ITSN2: variants seen among roughly 807,000 people sequenced by gnomAD.
The protein encoded by ITSN2 is intersectin-2.
Under a neutral mutation model 243.7 loss-of-function variants are expected in ITSN2, and 156 were observed. The ratio of observed to expected loss-of-function variants is 0.64; its 90% CI spans 0.56 to 0.73. ITSN2 has a LOEUF of 0.73. ITSN2 is among the 30% of genes least tolerant of loss of function. The probability of loss-of-function intolerance (pLI) is 0.00; values close to 1 mark genes in which losing one functional copy is unlikely to be tolerated. For missense variants in ITSN2, 1,801 were observed against 1,996.1 expected, an observed-to-expected ratio of 0.90 and a Z score of 1.86; for synonymous variants, 703 against 699.9, an observed-to-expected ratio of 1.00 and a Z score of -0.07.
At chr2:24,300,199 A>C in intron 11 of ITSN2, 28 bp from the exon 12 acceptor site, 1 of 1,610,518 alleles carries the variant, frequency 6.2e-7, no homozygotes, top group Non-Finnish European at 8.5e-7. Context: ...ATCAGCATCC[A>C]CACACATTAA....
At chr2:24,260,253 C>T (rs1675639007) in intron 22 of ITSN2, among the ~76,000 whole-genome samples, 1 of 151,956 alleles carries the variant, frequency 6.6e-6, no homozygotes, top group Non-Finnish European at 1.5e-5. Flanking sequence ...CTTATTTTTT[C>T]CTTAAATTTC....
At chr2:24,315,960 G>A (rs1207162479) in intron 2 of ITSN2, among the ~76,000 whole-genome samples, 1 of 152,150 alleles carries the variant, frequency 6.6e-6, no homozygotes, top group Non-Finnish European at 1.5e-5. Context: ...CAAAACAGCT[G>A]TGCCAATTCT....
rs151230845 is a variant in ITSN2 at position 24,314,332 on chromosome 2, A to G, written c.124+800T>C. Among the ~76,000 whole-genome samples, 11 of 152,308 alleles carry G rather than the reference A, an allele frequency of 7.2e-5. No homozygotes were observed. The East Asian group carries it at 2.1e-3, about 29-fold the overall frequency. On this transcript the variant is annotated intron_variant, in intron 3 of 39. Coordinates refer to ENST00000355123, the MANE Select transcript of ITSN2 (RefSeq NM_006277.3). ...ATCAAATCCTGATACCAGGTAAGGT[A>G]ATTACTATCATAGCAGTACAAATAA...
chr2:24,293,607 T>C, intron 15 of ITSN2, 81 bp downstream of exon 15: 1 of 570,234 alleles, frequency 1.8e-6, no homozygotes, highest in East Asian at 3.4e-5. Flanking sequence ...ATACTTTTTT[T>C]AATTTTAAAA....
chr2:24,249,258 A>G lies in ITSN2; in HGVS notation c.3121-376T>C, dbSNP rs1295563382. 6.6e-6 allele frequency among the ~76,000 whole-genome samples: 1 copy of G among 152,198 alleles called. No homozygotes were observed. The highest frequency in any genetic ancestry group is 1.5e-5 in the Non-Finnish European group (1 of 68,034). On this transcript the variant is annotated intron_variant, in intron 25 of 39. Transcript: ENST00000355123. The surrounding 1 kb of genome is among the most constrained non-coding windows in gnomAD (Gnocchi z 4.4). ...ATATGTGTCCTGGATATGTCAAGGTATACGTTATTTTGCTCCTGCTTTCTC... is the reference window on the plus strand; with the variant it reads ...ATATGTGTCCTGGATATGTCAAGGTGTACGTTATTTTGCTCCTGCTTTCTC...
chr2:24,295,557 C>A, intron 14 of ITSN2, 107 bp downstream of exon 14: 3 of 810,014 alleles, frequency 3.7e-6, no homozygotes, highest in Non-Finnish European at 5.4e-6. Flanking sequence ...GATCCACCCG[C>A]CTCAGCCTCC....
intron 2 of ITSN2, among the ~76,000 whole-genome samples, chr2:24,319,688 A>G (rs1231817836): frequency 6.6e-6 from 1 of 152,250 alleles, no homozygotes; most frequent in Non-Finnish European, 1.5e-5. Flanking sequence ...CTTGCCAGTC[A>G]TCCAGGAGGC....
chr2:24,317,504 G>A (rs941327340), intron 2 of ITSN2, among the ~76,000 whole-genome samples: 4 of 152,176 alleles, frequency 2.6e-5, no homozygotes, highest in African/African-American at 9.7e-5. Flanking sequence ...CAAGTTGCTG[G>A]TGTTCACTGG....
intron 2 of ITSN2, among the ~76,000 whole-genome samples, chr2:24,326,073 T>C (rs1685130118): frequency 6.6e-6 from 1 of 152,208 alleles, no homozygotes; most frequent in African/African-American, 2.4e-5. Context: ...ACATGAATGC[T>C]GCTCTCAGTA....
chr2:24,295,746 G>A lies in ITSN2; in HGVS notation c.1553C>T (p.Thr518Ile). The change falls in exon 14 of 40, where the codon ACT (threonine) becomes ATT (isoleucine). Residue 518 changes from threonine to isoleucine, a missense_variant. By Grantham distance (89) the Thr-to-Ile change is moderately conservative. Coordinates refer to ENST00000355123, the MANE Select transcript of ITSN2 (RefSeq NM_006277.3). ...RLQDVRLKKQTQKTELEVLDK... is the reference protein window; with the variant it reads ...RLQDVRLKKQIQKTELEVLDK... The stretch of plus-strand genomic sequence containing the variant: ...CAGAACTTCCAGCTCAGTCTTTTGA[G>A]TTTGCTTTTTGAGTCGGACATCCTG... The A allele has an allele frequency of 1.3e-6, 2 of 1,566,512 alleles. No homozygotes were observed. Among genetic ancestry groups the A allele is most frequent in the African/African-American group, 1.4e-5 (1 of 71,674 alleles).
At chr2:24,356,252 C>A (rs1211865254) in intron 1 of ITSN2, among the ~76,000 whole-genome samples, 1 of 146,848 alleles carries the variant, frequency 6.8e-6, no homozygotes, top group Non-Finnish European at 1.5e-5. Context: ...ATAATCCCAG[C>A]TACTTGGGAG....
intron 1 of ITSN2, among the ~76,000 whole-genome samples, chr2:24,355,518 T>C (rs530095393): frequency 9.0e-4 from 137 of 152,176 alleles, no homozygotes; most frequent in African/African-American, 2.9e-3. Flanking sequence ...GCTGGGAAAA[T>C]TGGCTAGCCA....
At chr2:24,296,112 G>A (rs891422200) in intron 13 of ITSN2, among the ~76,000 whole-genome samples, 19 of 152,080 alleles carry the variant, frequency 1.2e-4, no homozygotes, top group African/African-American at 4.1e-4. Flanking sequence ...ATTAATATCA[G>A]AGACACTCTC....
intron 17 of ITSN2, among the ~76,000 whole-genome samples, chr2:24,276,683 T>G (rs1231760664): frequency 6.6e-6 from 1 of 152,176 alleles, no homozygotes; most frequent in African/African-American, 2.4e-5. Context: ...TCTGCCAAAC[T>G]CAGAGCTCCT....
intron 7 of ITSN2, among the ~76,000 whole-genome samples, chr2:24,309,352 C>T (rs1682962653): frequency 6.6e-6 from 1 of 152,062 alleles, no homozygotes; most frequent in South Asian, 2.1e-4. Flanking sequence ...GCCACCACGC[C>T]CGGCTAATTT....
At chr2:24,212,803 A>C in intron 32 of ITSN2, 55 bp from the exon 33 acceptor site, 1 of 1,329,572 alleles carries the variant, frequency 7.5e-7, no homozygotes, top group Non-Finnish European at 1.1e-6. Context: ...CACAGGAAGC[A>C]CTGGTCTTTG....
At chr2:24,343,323 T>C (rs889073686) in intron 1 of ITSN2, among the ~76,000 whole-genome samples, 9 of 152,204 alleles carry the variant, frequency 5.9e-5, no homozygotes, top group African/African-American at 2.2e-4. Context: ...ATATTTCCTA[T>C]TTATACACTA....
intron 8 of ITSN2, among the ~76,000 whole-genome samples, chr2:24,304,808 T>G (rs1229589349): frequency 6.6e-6 from 1 of 152,154 alleles, no homozygotes; most frequent in Non-Finnish European, 1.5e-5. Flanking sequence ...ATCATACTCG[T>G]GGAGGGCTTT....
intron 1 of ITSN2, among the ~76,000 whole-genome samples, chr2:24,331,225 T>G (rs1685746953): frequency 6.6e-6 from 1 of 151,692 alleles, no homozygotes; most frequent in Non-Finnish European, 1.5e-5. Flanking sequence ...TTGCGCATCA[T>G]CACGCCCGGC....
Sources: gnomAD v4.1 joint callset for allele counts (sites outside exome capture counted in the v4.1 genomes callset) on GRCh38, gnomAD v4.1.1 for gene constraint, Gnocchi (gnomAD v3.1) non-coding constraint, MANE v1.5 for transcripts, NCBI Gene and HGNC (gene_info 2026-07-23, HGNC 2026-07-21) for gene names.